The following FAAH variants were observed in gnomAD, a reference collection of about 807,000 sequenced individuals.
The protein encoded by FAAH is fatty-acid amide hydrolase 1.
Under a neutral mutation model 69.7 loss-of-function variants are expected in FAAH, and 63 were observed. That is an observed-to-expected ratio of 0.90 (90% CI 0.74 to 1.12). The LOEUF (loss-of-function observed/expected upper bound fraction) is 1.12. FAAH is among the 50% of genes most tolerant of loss of function. The pLI is 0.00. For missense variants in FAAH, 680 were observed against 755.0 expected (o/e 0.90, Z 1.16); for synonymous variants, 305 against 324.2 (o/e 0.94, Z 0.64).
chr1:46,406,479 T>C, intron 7 of FAAH, 111 bp downstream of exon 7: 1 of 1,505,802 alleles, frequency 6.6e-7, no homozygotes, highest in Middle Eastern at 1.7e-4. Flanking sequence ...CCCCCAGGCC[T>C]CTGAGGCCAG....
chr1:46,410,566 C>A lies in FAAH; in HGVS notation c.1275+69C>A. The A allele has an allele frequency of 7.0e-7, 1 of 1,419,138 alleles. No individual in the cohort carries two copies. The highest frequency in any genetic ancestry group is 9.9e-7 in the Non-Finnish European group (1 of 1,007,404). 87.9% of individuals were successfully genotyped at this position (1,419,138 alleles called of 1,614,324 possible). A position where few individuals can be genotyped will look rare whatever the true frequency, so the allele number is the denominator to read the frequency against. ...ACCTAGGGCCTCCTATCGCATGATC[C>A]CCCATGGCCTCCCTCAGCCTCTCTT... On this transcript the variant is annotated intron_variant, in intron 10 of 14. Coordinates refer to ENST00000243167, the MANE Select transcript of FAAH (RefSeq NM_001441.3). This position sits in a 1 kb window ranked among gnomAD's most constrained non-coding sequence, Gnocchi z 4.9.
Position 46,394,331 on chromosome 1 carries a change from C to A in FAAH, c.-18C>A. ...CGGCTTCAACTGTCGCGGTAGGCAGCAGCAGGCTGAAGGGATCATGGTGCA... is the reference window on the plus strand; with the variant it reads ...CGGCTTCAACTGTCGCGGTAGGCAGAAGCAGGCTGAAGGGATCATGGTGCA... On this transcript the variant is annotated 5_prime_UTR_variant, in exon 1 of 15. Transcript: ENST00000243167. 1 of 1,552,050 alleles carries A rather than the reference C, an allele frequency of 6.4e-7. No individual in the cohort carries two copies. Among genetic ancestry groups the A allele is most frequent in the South Asian group, 1.2e-5 (1 of 84,046 alleles).
At position 46,394,606 on chromosome 1, in the gene FAAH, C is replaced by T. The variant is rs191210602; in HGVS notation, c.195+63C>T. 1.5e-4 allele frequency: 181 copies of T among 1,246,706 alleles called. 1 individual carries two copies. In the African/African-American group the frequency reaches 2.4e-3, roughly 17 times the overall value. 77.2% of individuals were successfully genotyped at this position (1,246,706 alleles called of 1,614,324 possible). ...GGGTACTCGCAGCGGCACTTTCAGC[C>T]GCCGGACCCGCCGAGGGACAGGGGA... On this transcript the variant is annotated intron_variant, in intron 1 of 14. Transcript: ENST00000243167.
Position 46,413,591 on chromosome 1 carries a change from A to G in FAAH, c.*16A>G. ...GTCATCCTGATGGCTCTGGCTCCAG[A>G]GGACCTGAGACTCACACTCTCTGCA... On this transcript the variant is annotated 3_prime_UTR_variant, in exon 15 of 15. Transcript: ENST00000243167. 6.2e-7 allele frequency: 1 copy of G among 1,613,994 alleles called. No individual in the cohort carries two copies.
In FAAH at chr1:46,402,088, C is replaced by G. The variant is rs1406019121; in HGVS notation, c.196-3C>G. On this transcript the variant is annotated splice_polypyrimidine_tract_variant and splice_region_variant and intron_variant, in intron 1 of 14. Coordinates refer to ENST00000243167, the MANE Select transcript of FAAH (RefSeq NM_001441.3). ...GGGACTGATCCGAGTTTGTTCCCCACAGAACCCAGACCTGGACTCAGAGGC... is the reference window on the plus strand; with the variant it reads ...GGGACTGATCCGAGTTTGTTCCCCAGAGAACCCAGACCTGGACTCAGAGGC... The G allele has an allele frequency of 6.2e-7, 1 of 1,602,736 alleles. No individual in the cohort carries two copies. Among genetic ancestry groups the G allele is most frequent in the Non-Finnish European group, 8.5e-7 (1 of 1,174,302 alleles).
At position 46,409,240 on chromosome 1, in the gene FAAH, A is replaced by C. The variant is rs769613614; in HGVS notation, c.1175+42A>C. 1.0e-5 allele frequency: 15 copies of C among 1,496,448 alleles called. 1 individual carries two copies. In the South Asian group the frequency reaches 1.7e-4, roughly 17 times the overall value. The allele number at this position is 1,496,448 out of a possible 1,614,324, so 92.7% of individuals were successfully genotyped here. Reference sequence around the variant, plus strand: ...TTTGGGGTCTTGGTGGGATCAGACAAGTAGGCAGACCTGGGGGAGCAGCAG... The same window carrying C: ...TTTGGGGTCTTGGTGGGATCAGACACGTAGGCAGACCTGGGGGAGCAGCAG... On this transcript the variant is annotated intron_variant, in intron 9 of 14. Transcript: ENST00000243167.
rs777313217 is a variant in FAAH, at chr1:46,413,463, T to G, written c.1628T>G (p.Val543Gly). The G allele has an allele frequency of 6.2e-7, 1 of 1,614,076 alleles. No homozygotes were observed. Among genetic ancestry groups the G allele is most frequent in the East Asian group, 2.2e-5 (1 of 44,876 alleles). Residue 543 changes from valine to glycine, a missense_variant, in exon 15 of 15, where the codon GTG becomes GGG. Transcript: ENST00000243167. The stretch of plus-strand genomic sequence containing the variant: ...CCCCTATAGGGCATGAAGAAGAGTG[T>G]GGGGCTGCCGGTGGCCGTGCAGTGT... ...KMLQKGMKKS[V>G]GLPVAVQCVA...
rs538142181 is a variant in FAAH, at chr1:46,408,591, C to T, written c.1077+7C>T. On this transcript the variant is annotated splice_region_variant and intron_variant, in intron 8 of 14. Coordinates refer to ENST00000243167, the MANE Select transcript of FAAH (RefSeq NM_001441.3). Reference sequence around the variant, plus strand: ...TGAGGCTGCGGGGCACACGGTATGACTGCAGGGTCCTGGAAGTACTGGCAT... The same window carrying T: ...TGAGGCTGCGGGGCACACGGTATGATTGCAGGGTCCTGGAAGTACTGGCAT... 6 of 1,614,162 alleles carry T rather than the reference C, an allele frequency of 3.7e-6. No individual in the cohort carries two copies. In the African/African-American group the frequency reaches 6.7e-5, roughly 18 times the overall value.
intron 1 of FAAH, among the ~76,000 whole-genome samples, chr1:46,396,781 TTTC>T (rs1204567174): frequency 6.6e-6 from 1 of 152,222 alleles, no homozygotes; most frequent in African/African-American, 2.4e-5. Flanking sequence ...CAAAATGGAA[TTTC>T]TTATGTCTAC....
In FAAH at chr1:46,396,746, C is replaced by T. The variant is rs141542250; in HGVS notation, c.195+2203C>T. 3.9e-3 allele frequency among the ~76,000 whole-genome samples: 596 copies of T among 152,302 alleles called. 5 individuals carry two copies. Among genetic ancestry groups the T allele is most frequent in the African/African-American group, 0.013 (545 of 41,566 alleles). On this transcript the variant is annotated intron_variant, in intron 1 of 14. Coordinates refer to ENST00000243167, the MANE Select transcript of FAAH (RefSeq NM_001441.3). ...TTTACAGATTACCAGCATCTCAAGG[C>T]AGAAGAATTTCTCTTAGTACAGAAC...
In FAAH at chr1:46,406,388, C is replaced by G. The variant is rs75286309; in HGVS notation, c.951+20C>G. On this transcript the variant is annotated intron_variant, in intron 7 of 14. Coordinates refer to ENST00000243167, the MANE Select transcript of FAAH (RefSeq NM_001441.3). ...GAAGAGGTGAGCAGGGCTGGGTGGG[C>G]ATGAATGTGGACCGCTGAACCCAGA... 29 of 1,613,496 alleles carry G rather than the reference C, an allele frequency of 1.8e-5. No individual in the cohort carries two copies. The African/African-American group carries it at 3.2e-4, about 18-fold the overall frequency.
At chr1:46,398,598 A>G (rs1180416803) in intron 1 of FAAH, among the ~76,000 whole-genome samples, 3 of 151,138 alleles carry the variant, frequency 2.0e-5, no homozygotes, top group African/African-American at 2.4e-5. Context: ...TAGTGGCTCA[A>G]TCTTGGCTCA....
chr1:46,405,834 T>G lies in FAAH; in HGVS notation c.785+40T>G, dbSNP rs200899401. 3.7e-5 allele frequency: 60 copies of G among 1,610,796 alleles called. No homozygotes were observed. Among genetic ancestry groups the G allele is most frequent in the Middle Eastern group, 1.7e-4 (1 of 5,902 alleles). The stretch of plus-strand genomic sequence containing the variant: ...GGGCGCTTCTGGGCCCCTCGCTGTG[T>G]GACCTTGGCCTAGCTTCCAACCTCT... On this transcript the variant is annotated intron_variant, in intron 5 of 14. Coordinates refer to ENST00000243167, the MANE Select transcript of FAAH (RefSeq NM_001441.3). The surrounding 1 kb of genome is among the most constrained non-coding windows in gnomAD (Gnocchi z 4.1).
chr1:46,407,905 C>T (rs762415651), intron 7 of FAAH, among the ~76,000 whole-genome samples: 1 of 152,074 alleles, frequency 6.6e-6, no homozygotes, highest in East Asian at 1.9e-4. Flanking sequence ...GGTTTGTGGA[C>T]GGGAAGGAGA....
Position 46,409,085 on chromosome 1 carries a change from C to A in FAAH, c.1078-16C>A. On this transcript the variant is annotated splice_polypyrimidine_tract_variant and intron_variant, in intron 8 of 14. Coordinates refer to ENST00000243167, the MANE Select transcript of FAAH (RefSeq NM_001441.3). ...GTTGTTAGGTCAGGAGGCCTTACAC[C>A]CCTCAATCCCTGCAGCTGGTTCCCT... 1 of 1,608,460 alleles carries A rather than the reference C, an allele frequency of 6.2e-7. No individual in the cohort carries two copies. The highest frequency in any genetic ancestry group is 1.3e-5 in the African/African-American group (1 of 74,884).
rs1664873469 is a variant in FAAH, at chr1:46,409,839, G to A, written c.1176-559G>A. Among the ~76,000 whole-genome samples, 3 of 152,114 alleles carry A rather than the reference G, an allele frequency of 2.0e-5. No individual in the cohort carries two copies. The South Asian group carries it at 6.2e-4, about 32-fold the overall frequency. The stretch of plus-strand genomic sequence containing the variant: ...GGAGAACTTGGCCCTGCAGCCTGGA[G>A]CTTGGCCCTGCAGCTTCACTCAGTC... On this transcript the variant is annotated intron_variant, in intron 9 of 14. Transcript: ENST00000243167.
intron 2 of FAAH, among the ~76,000 whole-genome samples, chr1:46,403,231 A>T (rs1003745805): frequency 3.3e-5 from 5 of 152,120 alleles, no homozygotes; most frequent in Middle Eastern, 3.4e-3. Context: ...CCCGGGTTCA[A>T]GTGATTCTCA....
At chr1:46,395,061 A>T (rs1340857342) in intron 1 of FAAH, among the ~76,000 whole-genome samples, 1 of 152,060 alleles carries the variant, frequency 6.6e-6, no homozygotes, top group Non-Finnish European at 1.5e-5. Flanking sequence ...CTGCCTCAGC[A>T]TCCCCAGTAG....
At position 46,413,089 on chromosome 1, in the gene FAAH, A is replaced by G. The variant is rs201884789; in HGVS notation, c.1480A>G (p.Thr494Ala). ...PGRATGAVSY[T>A]MLYNCLDFPA... is the part of the protein sequence containing the mutation. The stretch of plus-strand genomic sequence containing the variant: ...ATGTGTTCCAGGGGCCGTCAGCTAC[A>G]CTATGCTGTACAACTGCCTGGACTT... The change falls in exon 14 of 15, where the codon ACT (threonine) becomes GCT (alanine). Residue 494 changes from threonine to alanine, a missense_variant. Coordinates refer to ENST00000243167, the MANE Select transcript of FAAH (RefSeq NM_001441.3). The G allele has an allele frequency of 6.2e-7, 1 of 1,614,040 alleles. No homozygotes were observed. Among genetic ancestry groups the G allele is most frequent in the African/African-American group, 1.3e-5 (1 of 74,922 alleles).
Sources: allele counts gnomAD v4.1 joint callset (sites outside exome capture counted in the v4.1 genomes callset), GRCh38; gene constraint gnomAD v4.1.1; non-coding constraint Gnocchi (gnomAD v3.1); transcripts MANE v1.5; gene names NCBI Gene and HGNC (gene_info 2026-07-23, HGNC 2026-07-21).